GABRG3: variants seen among roughly 807,000 people sequenced by gnomAD.
GABRG3 encodes the protein gamma-aminobutyric acid receptor subunit gamma-3.
A neutral mutation model predicts 48.8 loss-of-function variants in GABRG3; 25 were observed. That is an observed-to-expected ratio of 0.51 (90% CI 0.37 to 0.72). The LOEUF (loss-of-function observed/expected upper bound fraction) is 0.72. Among genes scored for constraint, GABRG3 ranks in the 30% least tolerant of loss-of-function variants. The probability of loss-of-function intolerance (pLI) is 0.00; values close to 1 mark genes in which losing one functional copy is unlikely to be tolerated. For missense variants in GABRG3, 394 were observed against 577.9 expected (o/e 0.68, Z 3.26); for synonymous variants, 227 against 217.6 (o/e 1.04, Z -0.38).
intron 3 of GABRG3, among the ~76,000 whole-genome samples, chr15:27,047,682 G>C (rs1292376291): frequency 6.6e-6 from 1 of 152,180 alleles, no homozygotes; most frequent in Non-Finnish European, 1.5e-5. Flanking sequence ...TTCAGTGTCT[G>C]AGACTCATGG....
chr15:27,092,457 C>T (rs1897203970), intron 3 of GABRG3, among the ~76,000 whole-genome samples: 1 of 152,206 alleles, frequency 6.6e-6, no homozygotes, highest in Non-Finnish European at 1.5e-5. Context: ...CTGGTCCTGC[C>T]TGCCTTGGAC....
At chr15:27,488,192 T>A (rs1467159930) in intron 6 of GABRG3, among the ~76,000 whole-genome samples, 1 of 152,192 alleles carries the variant, frequency 6.6e-6, no homozygotes, top group South Asian at 2.1e-4. Context: ...CCCTGGGCTT[T>A]TAAGCATTGA....
chr15:27,307,825 C>CATATATAAA (rs199618299), intron 3 of GABRG3, among the ~76,000 whole-genome samples: 539 of 38,702 alleles, frequency 0.014, 7 homozygotes, highest in African/African-American at 0.034. Flanking sequence ...ATAAAATAAA[C>CATATATAAA]ATAAACATAT....
At chr15:27,067,285 G>T (rs1299297895) in intron 3 of GABRG3, among the ~76,000 whole-genome samples, 3 of 152,204 alleles carry the variant, frequency 2.0e-5, no homozygotes, top group African/African-American at 7.2e-5. Context: ...GGAAGTTCGT[G>T]TCTGTGTTTC....
intron 3 of GABRG3, among the ~76,000 whole-genome samples, chr15:27,247,174 A>T (rs1186378369): frequency 6.6e-6 from 1 of 152,082 alleles, no homozygotes; most frequent in Non-Finnish European, 1.5e-5. Context: ...TCCTGGCCTC[A>T]AGCAGTCCTC....
At chr15:27,491,821 G>A (rs1390955287) in intron 6 of GABRG3, among the ~76,000 whole-genome samples, 1 of 152,298 alleles carries the variant, frequency 6.6e-6, no homozygotes, top group African/African-American at 2.4e-5. Flanking sequence ...GACATTGAAA[G>A]TCACCTCTGT....
At chr15:27,479,774 A>G (rs1262398483) in intron 5 of GABRG3, among the ~76,000 whole-genome samples, 2 of 152,172 alleles carry the variant, frequency 1.3e-5, no homozygotes, top group East Asian at 3.9e-4. Context: ...CCTGTTCTTG[A>G]GAGTAGGGCA....
In GABRG3 at chr15:27,314,539, A is replaced by G. The variant is rs562783444; in HGVS notation, c.271-12270A>G. Among the ~76,000 whole-genome samples the G allele has an allele frequency of 7.2e-5, 11 of 152,284 alleles. No individual in the cohort carries two copies. The South Asian group carries it at 1.7e-3, about 23-fold the overall frequency. ...AAATTAAAAATAGAACTACCATATA[A>G]TCCAGCAATTCCAGCTTTGGGTATT... On this transcript the variant is annotated intron_variant, in intron 3 of 9. Transcript: ENST00000615808.
At chr15:27,344,796 G>A (rs1894310746) in intron 5 of GABRG3, among the ~76,000 whole-genome samples, 1 of 151,950 alleles carries the variant, frequency 6.6e-6, no homozygotes. Flanking sequence ...GGGTGTTTAA[G>A]TCTCTAAGTA....
intron 6 of GABRG3, among the ~76,000 whole-genome samples, chr15:27,504,808 C>T (rs1279889016): frequency 6.6e-6 from 1 of 151,970 alleles, no homozygotes; most frequent in African/African-American, 2.4e-5. Flanking sequence ...TTTATTTTGC[C>T]TTCATTCTTT....
intron 5 of GABRG3, among the ~76,000 whole-genome samples, chr15:27,390,179 T>C (rs1896178500): frequency 6.6e-6 from 1 of 152,216 alleles, no homozygotes; most frequent in African/African-American, 2.4e-5. Flanking sequence ...GCTTCACAAA[T>C]CATAACACCT....
intron 5 of GABRG3, among the ~76,000 whole-genome samples, chr15:27,450,543 G>C (rs187153786): frequency 6.6e-6 from 1 of 152,180 alleles, no homozygotes; most frequent in Admixed American, 6.5e-5. Context: ...AACAAATTAG[G>C]TGTAGAAAAA....
At chr15:26,982,382 G>A (rs1895072261) in intron 2 of GABRG3, among the ~76,000 whole-genome samples, 1 of 152,164 alleles carries the variant, frequency 6.6e-6, no homozygotes, top group Non-Finnish European at 1.5e-5. Flanking sequence ...GCACCACATG[G>A]ATCCCCTGAG....
chr15:27,348,546 T>C (rs1894455025), intron 5 of GABRG3, among the ~76,000 whole-genome samples: 1 of 152,216 alleles, frequency 6.6e-6, no homozygotes, highest in Non-Finnish European at 1.5e-5. Flanking sequence ...TTCAAGGTTA[T>C]GTGAGTCATA....
chr15:27,497,730 T>C (rs562679558), intron 6 of GABRG3, among the ~76,000 whole-genome samples: 57 of 152,322 alleles, frequency 3.7e-4, no homozygotes, highest in African/African-American at 9.9e-4. Flanking sequence ...ATATGAGTGT[T>C]TCCTACCCTA....
At chr15:27,059,756 G>C (rs1363248230) in intron 3 of GABRG3, among the ~76,000 whole-genome samples, 1 of 152,196 alleles carries the variant, frequency 6.6e-6, no homozygotes, top group Admixed American at 6.5e-5. Context: ...GGCAGACAAT[G>C]GTGCTTCACT....
At chr15:27,188,465 C>A (rs1320844266) in intron 3 of GABRG3, among the ~76,000 whole-genome samples, 1 of 152,152 alleles carries the variant, frequency 6.6e-6, no homozygotes. Context: ...ATTTGCATTT[C>A]TCTGATGGCC....
intron 5 of GABRG3, among the ~76,000 whole-genome samples, chr15:27,400,309 A>G (rs117235264): frequency 0.027 from 4,048 of 152,318 alleles, 74 homozygotes; most frequent in Middle Eastern, 0.054. Context: ...TTACAATTTA[A>G]GATTTTTTTG....
chr15:27,017,797 C>T (rs115345872), intron 2 of GABRG3, among the ~76,000 whole-genome samples: 205 of 152,254 alleles, frequency 1.3e-3, no homozygotes, highest in African/African-American at 4.7e-3. Flanking sequence ...TGGTCTGTAT[C>T]GTGTGGTTAA....
Sources: allele counts gnomAD v4.1 joint callset (sites outside exome capture counted in the v4.1 genomes callset), GRCh38; gene constraint gnomAD v4.1.1; transcripts MANE v1.5; gene names NCBI Gene and HGNC (gene_info 2026-07-23, HGNC 2026-07-21).